The following CNTRL variants were observed in gnomAD, a reference collection of about 807,000 sequenced individuals.
CNTRL encodes the protein centriolin.
In CNTRL, 233 loss-of-function variants were observed where a neutral mutation model predicts 303.7. The ratio of observed to expected loss-of-function variants is 0.77; its 90% CI spans 0.69 to 0.86. CNTRL has a LOEUF of 0.86. CNTRL is among the 40% of genes least tolerant of loss of function. The pLI is 0.00. For missense variants in CNTRL, 2,524 were observed against 2,650.6 expected (o/e 0.95, Z 1.05); for synonymous variants, 900 against 922.2 (o/e 0.98, Z 0.44).
At chr9:121,081,501 A>G (rs530777062) in intron 2 of CNTRL, among the ~76,000 whole-genome samples, 1 of 152,332 alleles carries the variant, frequency 6.6e-6, no homozygotes, top group African/African-American at 2.4e-5. Flanking sequence ...TACAAGTAGT[A>G]GATTGCCACC....
chr9:121,158,904 A>T lies in CNTRL; in HGVS notation c.4814A>T (p.His1605Leu), dbSNP rs544630801. 6.2e-7 allele frequency: 1 copy of T among 1,614,144 alleles called. No homozygotes were observed. Among genetic ancestry groups the T allele is most frequent in the East Asian group, 2.2e-5 (1 of 44,878 alleles). ...EMAVLDRQLGHKKEELHLLQG... is the reference protein window; with the variant it reads ...EMAVLDRQLGLKKEELHLLQG... ...GCTGTCTTGGACAGGCAGTTAGGGC[A>T]TAAAAAGGAGGAGCTGCATCTACTC... Residue 1605 changes from histidine to leucine, a missense_variant, in exon 31 of 44, where the codon CAT becomes CTT. Transcript: ENST00000373855.
At chr9:121,083,856 G>A (rs1314185410) in intron 2 of CNTRL, among the ~76,000 whole-genome samples, 2 of 152,118 alleles carry the variant, frequency 1.3e-5, no homozygotes, top group Non-Finnish European at 2.9e-5. Flanking sequence ...GAATTTTTCA[G>A]CTTTATTATA....
At position 121,125,732 on chromosome 9, in the gene CNTRL, T is replaced by TATCCATAATAGTGGAAAAG. The variant is rs1564238065; in HGVS notation, c.1821_1822insATCCATAATAGTGGAAAAG (p.Glu608IlefsTer28). On this transcript the variant is annotated frameshift_variant, in exon 14 of 44. Coordinates refer to ENST00000373855, the MANE Select transcript of CNTRL (RefSeq NM_007018.6). LOFTEE classifies it high-confidence loss of function. ...CTTGCTTAGGCCAGATAGCAGCAAA[T>TATCCATAATAGTGGAAAAG]GAAGCCCTGAAGAAGGATTTAGAAG... 1.2e-6 allele frequency: 2 copies of TATCCATAATAGTGGAAAAG among 1,614,116 alleles called. No individual in the cohort carries two copies. The highest frequency in any genetic ancestry group is 4.5e-5 in the East Asian group (2 of 44,886).
intron 40 of CNTRL, among the ~76,000 whole-genome samples, chr9:121,172,698 T>C (rs541345464): frequency 5.3e-5 from 8 of 152,304 alleles, no homozygotes; most frequent in South Asian, 2.1e-4. Context: ...TCTTCACTTA[T>C]AAAATTCCAG....
Position 121,157,804 on chromosome 9 carries a change from GAAATAAAC to G in CNTRL, c.4565_4572del (p.Ile1522AsnfsTer37). 6.2e-7 allele frequency: 1 copy of G among 1,614,130 alleles called. No homozygotes were observed. The highest frequency in any genetic ancestry group is 8.5e-7 in the Non-Finnish European group (1 of 1,180,006). On this transcript the variant is annotated frameshift_variant, in exon 29 of 44. Transcript: ENST00000373855. LOFTEE classifies it high-confidence loss of function. The stretch of plus-strand genomic sequence containing the variant: ...AATCAAGCAAGAAGAAATCTTGAAA[GAAATAAAC>G]AAAATTGTAGCAGCAAAAGACTCAG...
intron 43 of CNTRL, among the ~76,000 whole-genome samples, chr9:121,176,116 A>C (rs2053513306): frequency 6.6e-6 from 1 of 152,256 alleles, no homozygotes; most frequent in Admixed American, 6.5e-5. Flanking sequence ...TTGTGTGCAC[A>C]TACAAAACTT....
rs764680274 is a variant in CNTRL at position 121,177,231 on chromosome 9, TAC to T, written c.*46_*47del. On this transcript the variant is annotated 3_prime_UTR_variant, in exon 44 of 44. Transcript: ENST00000373855. ...ATATATTCAAGGAAAACACCTCCAC[TAC>T]CTCACTGACTTCATAATTGGAATGT... The T allele has an allele frequency of 6.0e-6, 9 of 1,495,952 alleles. No individual in the cohort carries two copies. In the East Asian group the frequency reaches 2.0e-4, roughly 34 times the overall value. The allele number at this position is 1,495,952 out of a possible 1,614,324, so 92.7% of individuals were successfully genotyped here.
chr9:121,085,227 G>A (rs963613241), intron 2 of CNTRL, among the ~76,000 whole-genome samples: 2 of 152,188 alleles, frequency 1.3e-5, no homozygotes, highest in Non-Finnish European at 2.9e-5. Flanking sequence ...TGGAAGTCAG[G>A]ATGGTGATTC....
In CNTRL at chr9:121,177,353, A is replaced by C; in HGVS notation, c.*167A>C. ...TACCATTAATGCCAATGTTTTTATA[A>C]ATCACTTGTACATAGTACATATGGG... On this transcript the variant is annotated 3_prime_UTR_variant, in exon 44 of 44. Transcript: ENST00000373855. 1.6e-6 allele frequency: 1 copy of C among 611,246 alleles called. No individual in the cohort carries two copies. The allele number at this position is 611,246 out of a possible 1,614,324, so 37.9% of individuals were successfully genotyped here.
chr9:121,157,755 T>C lies in CNTRL; in HGVS notation c.4512T>C (p.Asp1504=). The C allele has an allele frequency of 6.2e-7, 1 of 1,614,182 alleles. No homozygotes were observed. Reference sequence around the variant, plus strand: ...TGTGCTTTAGATCGCTCCAGGCTGATGCAAAGGATTTGGAGCAGCACAAAA... The same window carrying C: ...TGTGCTTTAGATCGCTCCAGGCTGACGCAAAGGATTTGGAGCAGCACAAAA... The part of the protein sequence containing the change: ...ADQQLRSLQA[D]AKDLEQHKIK... The change falls in exon 29 of 44, where the codon GAT becomes GAC. Residue 1504 remains aspartate, a synonymous_variant. Coordinates refer to ENST00000373855, the MANE Select transcript of CNTRL (RefSeq NM_007018.6).
chr9:121,125,834 G>A lies in CNTRL; in HGVS notation c.1923G>A (p.Lys641=). Reference sequence around the variant, plus strand: ...CTCAGGCCCAGAATGAGTGCAGGAAGCTGCGGGATGAGAAAGAGACATTGT... The same window carrying A: ...CTCAGGCCCAGAATGAGTGCAGGAAACTGCGGGATGAGAAAGAGACATTGT... The part of the protein sequence containing the change: ...QATQAQNECR[K]LRDEKETLLQ... Residue 641 remains lysine, a synonymous_variant, in exon 14 of 44, where the codon AAG becomes AAA. Transcript: ENST00000373855. 1.2e-6 allele frequency: 2 copies of A among 1,614,250 alleles called. No homozygotes were observed. The highest frequency in any genetic ancestry group is 1.7e-6 in the Non-Finnish European group (2 of 1,180,042).
chr9:121,159,053 T>C (rs758472473), intron 31 of CNTRL, 34 bp downstream of exon 31: 10 of 1,592,094 alleles, frequency 6.3e-6, no homozygotes, highest in Middle Eastern at 3.4e-4. Flanking sequence ...TGAAGAGTCG[T>C]AGGACAGTGC....
At chr9:121,152,806 A>C in intron 26 of CNTRL, 113 bp downstream of exon 26, 1 of 809,974 alleles carries the variant, frequency 1.2e-6, no homozygotes, top group South Asian at 1.9e-5. Context: ...CAAAACAGTA[A>C]CCACTAGCTC....
At position 121,123,968 on chromosome 9, in the gene CNTRL, A is replaced by G; in HGVS notation, c.1688A>G (p.Gln563Arg). ...MKAQKSGKEQ[Q>R]LDIMNKQYQQ... ...GCTCAAAAGAGCGGTAAAGAACAACAGCTTGACATTATGAACAAGCAGTAC... is the reference window on the plus strand; with the variant it reads ...GCTCAAAAGAGCGGTAAAGAACAACGGCTTGACATTATGAACAAGCAGTAC... Residue 563 changes from glutamine (Q) to arginine (R), a missense_variant, in exon 13 of 44, where the codon CAG (glutamine) becomes CGG (arginine). Physicochemically the swap from Gln to Arg is conservative, Grantham distance 43. Coordinates refer to ENST00000373855, the MANE Select transcript of CNTRL (RefSeq NM_007018.6). 6.2e-7 allele frequency: 1 copy of G among 1,611,164 alleles called. No homozygotes were observed. The highest frequency in any genetic ancestry group is 8.5e-7 in the Non-Finnish European group (1 of 1,178,934).
chr9:121,124,739 A>C (rs536101902), intron 13 of CNTRL, among the ~76,000 whole-genome samples: 1 of 149,598 alleles, frequency 6.7e-6, no homozygotes, highest in African/African-American at 2.5e-5. Context: ...GGAGTTCGAG[A>C]TCAGCATGGG....
At chr9:121,113,466 A>G (rs763339818) in intron 9 of CNTRL, 36 bp from the exon 10 acceptor site, 2 of 1,183,808 alleles carry the variant, frequency 1.7e-6, no homozygotes, top group East Asian at 4.8e-5. Context: ...CTTGGAGATC[A>G]CTTATTAAAC....
chr9:121,160,027 AGCTT>A, intron 31 of CNTRL, 112 bp from the exon 32 acceptor site: 3 of 734,854 alleles, frequency 4.1e-6, no homozygotes, highest in Non-Finnish European at 6.0e-6. Flanking sequence ...GGCAAAAATG[AGCTT>A]GTTTCCAAAT....
At chr9:121,140,392 A>G (rs1448071766) in intron 16 of CNTRL, among the ~76,000 whole-genome samples, 1 of 152,246 alleles carries the variant, frequency 6.6e-6, no homozygotes, top group Non-Finnish European at 1.5e-5. Flanking sequence ...CAGTTTACAG[A>G]TAAAGAGGAC....
intron 24 of CNTRL, among the ~76,000 whole-genome samples, chr9:121,149,071 C>T (rs570431921): frequency 6.6e-6 from 1 of 152,296 alleles, no homozygotes; most frequent in African/African-American, 2.4e-5. Context: ...GATGCCTACT[C>T]ATCCTTCAGT....
Sources: gnomAD v4.1 joint callset for allele counts (sites outside exome capture counted in the v4.1 genomes callset) on GRCh38, gnomAD v4.1.1 for gene constraint, MANE v1.5 for transcripts, NCBI Gene and HGNC (gene_info 2026-07-23, HGNC 2026-07-21) for gene names.